The following NFIB variants were observed in gnomAD, a reference collection of about 807,000 sequenced individuals.
NFIB encodes the protein nuclear factor I B, also known as nuclear factor 1 B-type.
A neutral mutation model predicts 61.5 loss-of-function variants in NFIB; 11 were observed. That is an observed-to-expected ratio of 0.18 (90% CI 0.11 to 0.30). The LOEUF is 0.30. Among genes scored for constraint, NFIB ranks in the 10% least tolerant of loss-of-function variants. NFIB has a pLI of 1.00. For missense variants in NFIB, 471 were observed against 608.9 expected (o/e 0.77, Z 2.38); for synonymous variants, 260 against 216.5 (o/e 1.20, Z -1.76).
chr9:14,466,684 C>G, the NFIB span, among the ~76,000 whole-genome samples: 378 of 152,320 alleles, frequency 2.5e-3, 2 homozygotes, highest in African/African-American at 8.7e-3. Context: ...TCCTCTGCCC[C>G]CCAGGGTCTG....
chr9:14,436,281 G>C, the NFIB span, among the ~76,000 whole-genome samples: 1 of 152,210 alleles, frequency 6.6e-6, no homozygotes, highest in African/African-American at 2.4e-5. Flanking sequence ...AAAGCAGAGA[G>C]CTGGAAATCT....
At chr9:14,160,630 A>C (rs1252900368) in intron 3 of NFIB, among the ~76,000 whole-genome samples, 1 of 152,150 alleles carries the variant, frequency 6.6e-6, no homozygotes, top group Non-Finnish European at 1.5e-5. Context: ...CAAAGGTAGC[A>C]TAACCAATAT....
chr9:14,280,817 AG>A (rs1183572498), intron 2 of NFIB, among the ~76,000 whole-genome samples: 2 of 152,198 alleles, frequency 1.3e-5, no homozygotes, highest in African/African-American at 4.8e-5. Flanking sequence ...GAAGGTGGCC[AG>A]GGAGACTACA....
intron 10 of NFIB, among the ~76,000 whole-genome samples, chr9:14,090,486 A>T (rs2033711646): frequency 6.6e-6 from 1 of 152,110 alleles, no homozygotes; most frequent in Non-Finnish European, 1.5e-5. Context: ...ATTACTTCAT[A>T]AATATCTCTA....
Position 14,252,552 on chromosome 9 carries a change from G to T in NFIB, c.562+54437C>A, listed in dbSNP as rs562598646. Among the ~76,000 whole-genome samples, 4 of 152,112 alleles carry T rather than the reference G, an allele frequency of 2.6e-5. No homozygotes were observed. The East Asian group carries it at 7.7e-4, about 29-fold the overall frequency. ...GTATTTGTTAAAAAAAACAGAAACT[G>T]CTTCAGTTATAATATGTAAAAGAAA... On this transcript the variant is annotated intron_variant, in intron 2 of 10. Coordinates refer to ENST00000380953, the MANE Select transcript of NFIB (RefSeq NM_001190737.2).
At chr9:14,371,288 G>A (rs1253777708) in intron 1 of NFIB, among the ~76,000 whole-genome samples, 1 of 152,202 alleles carries the variant, frequency 6.6e-6, no homozygotes, top group Non-Finnish European at 1.5e-5. Context: ...CTTTTATGTT[G>A]TAGGAGAAAA....
At chr9:14,290,778 TC>T (rs769491802) in intron 2 of NFIB, among the ~76,000 whole-genome samples, 50 of 152,242 alleles carry the variant, frequency 3.3e-4, no homozygotes, top group Non-Finnish European at 5.4e-4. Flanking sequence ...TGAGGAACTT[TC>T]TTGTGTTACC....
At chr9:14,521,467 A>T in the NFIB span, among the ~76,000 whole-genome samples, 1 of 152,104 alleles carries the variant, frequency 6.6e-6, no homozygotes, top group African/African-American at 2.4e-5. Context: ...AAACTATTTA[A>T]ACTCCCTGGG....
chr9:14,471,079 C>G, the NFIB span, among the ~76,000 whole-genome samples: 1 of 152,150 alleles, frequency 6.6e-6, no homozygotes. Flanking sequence ...ACAATTATCT[C>G]TACAGTAAGC....
chr9:14,384,932 G>A (rs1409242793), intron 1 of NFIB, among the ~76,000 whole-genome samples: 2 of 152,056 alleles, frequency 1.3e-5, no homozygotes, highest in Non-Finnish European at 2.9e-5. Context: ...CCCTTCTCTT[G>A]AGTATTTTAC....
intron 4 of NFIB, 123 bp from the exon 5 acceptor site, chr9:14,150,388 G>C: frequency 2.0e-6 from 3 of 1,495,598 alleles, no homozygotes; most frequent in Middle Eastern, 3.8e-4. Flanking sequence ...TTCACCTTAA[G>C]CCTCTAATAC....
At chr9:14,404,719 G>C in the NFIB span, among the ~76,000 whole-genome samples, 1 of 152,160 alleles carries the variant, frequency 6.6e-6, no homozygotes, top group South Asian at 2.1e-4. Context: ...TTTGACTTGG[G>C]AGCTAGTGAG....
intron 2 of NFIB, among the ~76,000 whole-genome samples, chr9:14,260,923 C>A (rs879492367): frequency 1.3e-5 from 2 of 152,132 alleles, no homozygotes; most frequent in Non-Finnish European, 2.9e-5. Context: ...CTCTCCATCA[C>A]AATATGTCTT....
At position 14,398,094 on chromosome 9, in the gene NFIB, A is replaced by AT. The variant is rs111390336; in HGVS notation, c.108+429dup. On this transcript the variant is annotated intron_variant, in intron 1 of 8. Transcript: ENST00000380934. Reference sequence around the variant, plus strand: ...TGTCAAGACCAAAGGCTGCTTATTGATTTTTTTTAAGGGCTTAGAGTGGGG... The same window carrying AT: ...TGTCAAGACCAAAGGCTGCTTATTGATTTTTTTTTAAGGGCTTAGAGTGGGG... 5.1e-3 allele frequency among the ~76,000 whole-genome samples: 779 copies of AT among 152,078 alleles called. 2 individuals carry two copies. Among genetic ancestry groups the AT allele is most frequent in the Non-Finnish European group, 7.5e-3 (511 of 67,960 alleles).
intron 6 of NFIB, among the ~76,000 whole-genome samples, chr9:14,133,206 A>T (rs1017775880): frequency 1.1e-4 from 16 of 152,152 alleles, no homozygotes; most frequent in Non-Finnish European, 1.9e-4. Flanking sequence ...TTTTCTAGAT[A>T]AACAAAAACT....
chr9:14,475,415 A>G, the NFIB span, among the ~76,000 whole-genome samples: 1 of 152,210 alleles, frequency 6.6e-6, no homozygotes. Context: ...TTAGTAAGTG[A>G]GGAGAGCCTT....
chr9:14,400,408 G>T (rs1240849636), upstream of NFIB, among the ~76,000 whole-genome samples: 5 of 152,122 alleles, frequency 3.3e-5, no homozygotes, highest in Non-Finnish European at 7.4e-5. Context: ...CAGAATAAAA[G>T]CTACATGTTT....
chr9:14,137,216 C>T (rs913401388), intron 6 of NFIB, among the ~76,000 whole-genome samples: 2 of 152,112 alleles, frequency 1.3e-5, no homozygotes, highest in Admixed American at 6.6e-5. Context: ...ACACTGATTC[C>T]ATAACAAGGT....
the NFIB span, among the ~76,000 whole-genome samples, chr9:14,455,451 A>T: frequency 1.3e-5 from 2 of 152,204 alleles, no homozygotes; most frequent in Non-Finnish European, 2.9e-5. Context: ...GAACTGGATG[A>T]ACAAGTGGAT....
Sources: allele counts gnomAD v4.1 joint callset (sites outside exome capture counted in the v4.1 genomes callset), GRCh38; gene constraint gnomAD v4.1.1; transcripts MANE v1.5; gene names NCBI Gene and HGNC (gene_info 2026-07-23, HGNC 2026-07-21).